MAML3: variants seen among roughly 807,000 people sequenced by gnomAD.
MAML3 encodes mastermind-like protein 3.
A neutral mutation model predicts 101.9 loss-of-function variants in MAML3; 27 were observed. The ratio of observed to expected loss-of-function variants is 0.27; its 90% CI spans 0.20 to 0.37. The LOEUF is 0.37. Among genes scored for constraint, MAML3 ranks in the 10% least tolerant of loss-of-function variants. MAML3 has a pLI of 1.00. For missense variants in MAML3, 1,316 were observed against 1,444.9 expected (o/e 0.91, Z 1.45); for synonymous variants, 501 against 555.9 (o/e 0.90, Z 1.39).
In MAML3 at chr4:139,802,166, G is replaced by A. The variant is rs575461222; in HGVS notation, c.2080-71499C>T. Among the ~76,000 whole-genome samples the A allele has an allele frequency of 2.0e-4, 31 of 152,268 alleles. 1 individual carries two copies. The highest frequency in any genetic ancestry group is 6.5e-4 in the African/African-American group (27 of 41,544). ...CTGGGGTCCAGTTTCTTACAGAATG[G>A]GGTAGCAGAGAGGAGGCTGGATAGC... On this transcript the variant is annotated intron_variant, in intron 2 of 4. Transcript: ENST00000509479.
At chr4:139,930,496 T>C (rs1231903136) in intron 1 of MAML3, among the ~76,000 whole-genome samples, 2 of 152,196 alleles carry the variant, frequency 1.3e-5, no homozygotes, top group African/African-American at 4.8e-5. Flanking sequence ...AGTTCCCTCA[T>C]TACAAAGCTG....
chr4:140,120,030 G>T (rs1578694505), intron 1 of MAML3, among the ~76,000 whole-genome samples: 1 of 152,042 alleles, frequency 6.6e-6, no homozygotes, highest in Non-Finnish European at 1.5e-5. Context: ...GAGGTCAGGA[G>T]ATCGAGACCA....
chr4:139,874,805 C>CTTT (rs35089838), intron 2 of MAML3, among the ~76,000 whole-genome samples: 34 of 133,082 alleles, frequency 2.6e-4, no homozygotes, highest in African/African-American at 7.0e-4. Flanking sequence ...CCTATCTTTC[C>CTTT]TTTTTTTTTT....
chr4:139,849,383 GA>G (rs1377390355), intron 2 of MAML3, among the ~76,000 whole-genome samples: 1 of 152,168 alleles, frequency 6.6e-6, no homozygotes, highest in Non-Finnish European at 1.5e-5. Flanking sequence ...ACTTCCTGTA[GA>G]AAAGGATTAG....
intron 3 of MAML3, among the ~76,000 whole-genome samples, chr4:139,729,475 A>G (rs1437766161): frequency 1.3e-5 from 2 of 152,176 alleles, no homozygotes; most frequent in Non-Finnish European, 2.9e-5. Flanking sequence ...GAAAAAATTC[A>G]TAAAATTCTG....
chr4:140,011,093 G>C (rs1271215532), intron 1 of MAML3, among the ~76,000 whole-genome samples: 1 of 58,468 alleles, frequency 1.7e-5, no homozygotes, highest in African/African-American at 4.3e-5. Context: ...GCTAGACTCT[G>C]TCTCGAAAAA....
At chr4:140,099,655 T>C (rs965568179) in intron 1 of MAML3, among the ~76,000 whole-genome samples, 3 of 152,206 alleles carry the variant, frequency 2.0e-5, no homozygotes, top group African/African-American at 7.2e-5. Context: ...AGTTACTGCA[T>C]ATGAAAAATG....
At chr4:139,949,650 G>T (rs2110755441) in intron 1 of MAML3, among the ~76,000 whole-genome samples, 1 of 152,278 alleles carries the variant, frequency 6.6e-6, no homozygotes, top group Admixed American at 6.5e-5. Flanking sequence ...AATTTATCAA[G>T]ATATGAAACC....
In MAML3 at chr4:140,154,092, A is replaced by G. The variant is rs1268367470; in HGVS notation, c.-765T>C. ...TGCCGCCGCTGCTCCTGCCACCATC[A>G]CAATGATCAACTGCTCGCCGCCGCC... On this transcript the variant is annotated 5_prime_UTR_variant, in exon 1 of 5. Coordinates refer to ENST00000509479, the MANE Select transcript of MAML3 (RefSeq NM_018717.5). The G allele has an allele frequency of 5.6e-6, 1 of 178,032 alleles. No individual in the cohort carries two copies. The highest frequency in any genetic ancestry group is 1.2e-5 in the Non-Finnish European group (1 of 83,782). 11.0% of individuals were successfully genotyped at this position (178,032 alleles called of 1,614,324 possible). A position where few individuals can be genotyped will look rare whatever the true frequency, so the allele number is the denominator to read the frequency against.
At chr4:140,125,740 G>A (rs1728672670) in intron 1 of MAML3, among the ~76,000 whole-genome samples, 1 of 152,026 alleles carries the variant, frequency 6.6e-6, no homozygotes, top group African/African-American at 2.4e-5. Flanking sequence ...TTACAGGCAT[G>A]AGCCACAGTG....
chr4:140,092,088 GTATATATATATATACGTA>G (rs1352876560), intron 1 of MAML3, among the ~76,000 whole-genome samples: 2 of 76,084 alleles, frequency 2.6e-5, no homozygotes, highest in African/African-American at 4.5e-5. Flanking sequence ...ATATATATAC[GTATATATATATATACGTA>G]TATATATATA....
chr4:139,920,815 A>T (rs751519423), intron 1 of MAML3, among the ~76,000 whole-genome samples: 2 of 152,164 alleles, frequency 1.3e-5, no homozygotes, highest in Non-Finnish European at 2.9e-5. Context: ...GTCTGGGGTG[A>T]GTGACCTGCA....
At chr4:139,931,674 G>A (rs997731441) in intron 1 of MAML3, among the ~76,000 whole-genome samples, 41 of 151,644 alleles carry the variant, frequency 2.7e-4, no homozygotes, top group African/African-American at 8.5e-4. Context: ...GTCTCCTTCC[G>A]TAATCTCCCC....
intron 1 of MAML3, among the ~76,000 whole-genome samples, chr4:140,057,727 T>C (rs1447362936): frequency 6.6e-6 from 1 of 152,218 alleles, no homozygotes; most frequent in African/African-American, 2.4e-5. Context: ...TTAGGGCTTT[T>C]TGATCTTGCA....
chr4:140,142,948 T>G (rs1728999672), intron 1 of MAML3, among the ~76,000 whole-genome samples: 1 of 152,242 alleles, frequency 6.6e-6, no homozygotes, highest in African/African-American at 2.4e-5. Flanking sequence ...TTTTAACAAC[T>G]ATACCATACC....
intron 1 of MAML3, among the ~76,000 whole-genome samples, chr4:139,975,891 T>C (rs1362675901): frequency 2.0e-5 from 3 of 152,230 alleles, no homozygotes; most frequent in African/African-American, 7.2e-5. Flanking sequence ...TGTTCAGGCC[T>C]GGATTAAAGG....
chr4:140,096,687 A>T (rs1370936695), intron 1 of MAML3, among the ~76,000 whole-genome samples: 1 of 152,168 alleles, frequency 6.6e-6, no homozygotes, highest in African/African-American at 2.4e-5. Context: ...AAAAGAACAC[A>T]AAGTACATAG....
chr4:139,740,267 C>CCA (rs1188295385), intron 2 of MAML3: 4 of 152,194 alleles, frequency 2.6e-5, no homozygotes, highest in Non-Finnish European at 4.4e-5. Flanking sequence ...TTCAAGAACT[C>CCA]GAGAGGTGGG....
chr4:139,736,582 T>C (rs1360255043), intron 2 of MAML3, among the ~76,000 whole-genome samples: 8 of 152,124 alleles, frequency 5.3e-5, no homozygotes, highest in Admixed American at 3.9e-4. Flanking sequence ...AGAAAGGAAA[T>C]AGCTAAGAAT....
Sources: allele counts gnomAD v4.1 joint callset (sites outside exome capture counted in the v4.1 genomes callset), GRCh38; gene constraint gnomAD v4.1.1; transcripts MANE v1.5; gene names NCBI Gene and HGNC (gene_info 2026-07-23, HGNC 2026-07-21).